Variants in SGPP2 observed in about 807,000 individuals in gnomAD.
The protein encoded by SGPP2 is sphingosine 1-phosphate phosphohydrolase 2.
A neutral mutation model predicts 33.9 loss-of-function variants in SGPP2; 30 were observed. The ratio of observed to expected loss-of-function variants is 0.89; its 90% CI spans 0.66 to 1.20. The LOEUF (loss-of-function observed/expected upper bound fraction) is 1.20, where lower values mean the gene tolerates loss of function less well. Among genes scored for constraint, SGPP2 ranks in the 50% most tolerant of loss-of-function variants. The pLI is 0.00. For missense variants in SGPP2, 458 were observed against 532.1 expected (o/e 0.86, Z 1.37); for synonymous variants, 233 against 225.0 (o/e 1.04, Z -0.32).
chr2:222,492,668 A>T (rs111799698), intron 2 of SGPP2, among the ~76,000 whole-genome samples: 4,937 of 152,310 alleles, frequency 0.032, 153 homozygotes, highest in African/African-American at 0.076. Flanking sequence ...GCTCCTTGTT[A>T]CTTATGCAAA....
intron 2 of SGPP2, among the ~76,000 whole-genome samples, chr2:222,508,516 C>A (rs949606293): frequency 2.6e-5 from 4 of 152,088 alleles, no homozygotes; most frequent in African/African-American, 4.8e-5. Flanking sequence ...ACAATCATTG[C>A]ACAAATGTCA....
At position 222,431,407 on chromosome 2, in the gene SGPP2, G is replaced by A. The variant is rs114820450; in HGVS notation, c.219+6586G>A. Among the ~76,000 whole-genome samples the A allele has an allele frequency of 2.5e-3, 377 of 152,270 alleles. 4 individuals are homozygous for A. The highest frequency in any genetic ancestry group is 8.7e-3 in the African/African-American group (363 of 41,544). On this transcript the variant is annotated intron_variant, in intron 1 of 4. Transcript: ENST00000321276. ...TGATGTACCAGCTACTTGGGAAGCT[G>A]AGGCATGAGAATTGCTTGAACCCGG...
intron 1 of SGPP2, among the ~76,000 whole-genome samples, chr2:222,462,252 G>C (rs1015741087): frequency 6.6e-6 from 1 of 152,112 alleles, no homozygotes; most frequent in African/African-American, 2.4e-5. Context: ...GAATGAGCAG[G>C]GTAGAAAGAG....
intron 2 of SGPP2, among the ~76,000 whole-genome samples, chr2:222,486,081 G>A (rs1480186181): frequency 2.0e-5 from 3 of 152,218 alleles, no homozygotes; most frequent in African/African-American, 7.2e-5. Context: ...CCTCTCTTGT[G>A]GGTTTGGCTG....
chr2:222,451,453 A>G (rs1353139066), intron 1 of SGPP2, among the ~76,000 whole-genome samples: 1 of 152,200 alleles, frequency 6.6e-6, no homozygotes, highest in African/African-American at 2.4e-5. Flanking sequence ...AAGTGTGTAC[A>G]GAATTATTTT....
chr2:222,512,855 A>G (rs1698550778), intron 2 of SGPP2, among the ~76,000 whole-genome samples: 1 of 152,194 alleles, frequency 6.6e-6, no homozygotes, highest in African/African-American at 2.4e-5. Context: ...CATGAACCAC[A>G]GTTTATTTAT....
chr2:222,561,831 C>T lies in SGPP2; in HGVS notation c.*2933C>T, dbSNP rs547079521. Among the ~76,000 whole-genome samples the T allele has an allele frequency of 1.7e-3, 66 of 39,110 alleles. No individual in the cohort carries two copies. The highest frequency in any genetic ancestry group is 4.0e-3 in the African/African-American group (54 of 13,628). The allele number at this position is 39,110 out of a possible 152,430, so 25.7% of individuals were successfully genotyped here. A position where few individuals can be genotyped will look rare whatever the true frequency, so the allele number is the denominator to read the frequency against. On this transcript the variant is annotated 3_prime_UTR_variant, in exon 5 of 5. Transcript: ENST00000321276. ...TGGTGAGAATCAGACAAAAATTCAT[C>T]GGGGTGAAAAAGGCATTACCTGATT...
In SGPP2 at chr2:222,424,692, C is replaced by A. The variant is rs1221067288; in HGVS notation, c.90C>A (p.Gly30=). ...GGCTCTTCCCCGCTCCGGATGAAGG[C>A]CCCCGGGAGAACGGCGCGGACCCCA... The part of the protein sequence containing the change: ...RCGLFPAPDE[G]PRENGADPTE... The change falls in exon 1 of 5, where the codon GGC becomes GGA. Residue 30 remains glycine, a synonymous_variant. Coordinates refer to ENST00000321276, the MANE Select transcript of SGPP2 (RefSeq NM_152386.4). The A allele has an allele frequency of 6.9e-6, 10 of 1,449,674 alleles. No homozygotes were observed. In the South Asian group the frequency reaches 1.2e-4, roughly 17 times the overall value. The allele number at this position is 1,449,674 out of a possible 1,614,324, so 89.8% of individuals were successfully genotyped here.
chr2:222,435,744 G>A lies in SGPP2; in HGVS notation c.219+10923G>A, dbSNP rs189652099. ...GTATTTTCTTAGTACAAGTGTATAC[G>A]TGCACAAACATGTTTTAACAAAAGA... On this transcript the variant is annotated intron_variant, in intron 1 of 4. Coordinates refer to ENST00000321276, the MANE Select transcript of SGPP2 (RefSeq NM_152386.4). Among the ~76,000 whole-genome samples, 48 of 152,278 alleles carry A rather than the reference G, an allele frequency of 3.2e-4. 1 individual carries two copies. In the East Asian group the frequency reaches 8.7e-3, roughly 27 times the overall value.
rs1433034125 is a variant in SGPP2 at position 222,550,657 on chromosome 2, T to C, written c.649-7690T>C. On this transcript the variant is annotated intron_variant, in intron 4 of 4. Coordinates refer to ENST00000321276, the MANE Select transcript of SGPP2 (RefSeq NM_152386.4). The surrounding 1 kb of genome is among the most constrained non-coding windows in gnomAD (Gnocchi z 4.5). ...CATGGAAAATGTTCCTGCTATATTATTAAATAAGGCAGCGTGGTTTTTATC... is the reference window on the plus strand; with the variant it reads ...CATGGAAAATGTTCCTGCTATATTACTAAATAAGGCAGCGTGGTTTTTATC... 6.6e-6 allele frequency among the ~76,000 whole-genome samples: 1 copy of C among 152,228 alleles called. No homozygotes were observed. Among genetic ancestry groups the C allele is most frequent in the Non-Finnish European group, 1.5e-5 (1 of 68,032 alleles).
intron 1 of SGPP2, among the ~76,000 whole-genome samples, chr2:222,428,978 G>A (rs1003351732): frequency 6.6e-6 from 1 of 151,876 alleles, no homozygotes; most frequent in Non-Finnish European, 1.5e-5. Flanking sequence ...TTTTAGTAGA[G>A]ATCGGGTTTT....
intron 4 of SGPP2, among the ~76,000 whole-genome samples, chr2:222,526,989 T>G (rs1261410090): frequency 6.6e-6 from 1 of 152,030 alleles, no homozygotes; most frequent in African/African-American, 2.4e-5. Flanking sequence ...TAAAGTAAAA[T>G]TTAAAAAAGA....
intron 1 of SGPP2, among the ~76,000 whole-genome samples, chr2:222,438,646 C>T (rs1375724042): frequency 7.9e-5 from 12 of 152,224 alleles, no homozygotes; most frequent in Non-Finnish European, 1.5e-4. Context: ...GGTACAGCAA[C>T]TGCAATTGCA....
intron 1 of SGPP2, among the ~76,000 whole-genome samples, chr2:222,431,099 G>A (rs1015265703): frequency 1.3e-5 from 2 of 152,100 alleles, no homozygotes; most frequent in African/African-American, 4.8e-5. Context: ...TAATCATAGG[G>A]GTACCTGCCT....
chr2:222,433,010 A>G (rs1337510956), intron 1 of SGPP2, among the ~76,000 whole-genome samples: 1 of 148,592 alleles, frequency 6.7e-6, no homozygotes, highest in Non-Finnish European at 1.5e-5. Context: ...AATAAGAGCG[A>G]AACTCTGAAA....
At chr2:222,433,640 G>T (rs547108101) in intron 1 of SGPP2, among the ~76,000 whole-genome samples, 2 of 152,234 alleles carry the variant, frequency 1.3e-5, no homozygotes, top group Admixed American at 1.3e-4. Flanking sequence ...CACAACAGAG[G>T]TAACTTATCC....
At chr2:222,444,121 A>C (rs1697364497) in intron 1 of SGPP2, among the ~76,000 whole-genome samples, 1 of 152,248 alleles carries the variant, frequency 6.6e-6, no homozygotes, top group African/African-American at 2.4e-5. Context: ...TTTTCCAAGA[A>C]GAAATTCCTC....
chr2:222,469,435 G>A (rs181973471), intron 1 of SGPP2, among the ~76,000 whole-genome samples: 7 of 152,220 alleles, frequency 4.6e-5, no homozygotes, highest in East Asian at 3.9e-4. Flanking sequence ...TACCTGCCTC[G>A]GACTCCCAAA....
At chr2:222,470,556 T>C (rs1260440950) in intron 1 of SGPP2, among the ~76,000 whole-genome samples, 1 of 152,228 alleles carries the variant, frequency 6.6e-6, no homozygotes, top group Non-Finnish European at 1.5e-5. Context: ...AAGATATTAG[T>C]TAGTGATATG....
Sources: gnomAD v4.1 joint callset for allele counts (sites outside exome capture counted in the v4.1 genomes callset) on GRCh38, gnomAD v4.1.1 for gene constraint, Gnocchi (gnomAD v3.1) non-coding constraint, MANE v1.5 for transcripts, NCBI Gene and HGNC (gene_info 2026-07-23, HGNC 2026-07-21) for gene names.